ZNF138: variants seen among roughly 807,000 people sequenced by gnomAD.
ZNF138 encodes zinc finger protein 138 (clone pHZ-32).
ZNF138 carries 33 observed loss-of-function variants against 33.0 expected under a neutral mutation model. That is an observed-to-expected ratio of 1.00 (90% CI 0.76 to 1.34). The LOEUF (loss-of-function observed/expected upper bound fraction) is 1.34. ZNF138 is among the 40% of genes most tolerant of loss of function. The pLI is 0.00. For synonymous variants in ZNF138, 139 were observed against 120.4 expected (o/e 1.15, Z -1.01); for missense variants, 360 against 370.8 (o/e 0.97, Z 0.24).
the ZNF138 span, among the ~76,000 whole-genome samples, chr7:64,839,056 C>T: frequency 2.0e-5 from 3 of 152,124 alleles, no homozygotes; most frequent in Admixed American, 6.5e-5. Context: ...AAACACTTGG[C>T]GGCAGCGGTC....
intron 1 of ZNF138, among the ~76,000 whole-genome samples, chr7:64,795,623 C>T (rs888896627): frequency 1.3e-5 from 2 of 151,306 alleles, no homozygotes; most frequent in African/African-American, 2.4e-5. Flanking sequence ...TAAATATTTC[C>T]CATGAGAAGA....
intron 1 of ZNF138, among the ~76,000 whole-genome samples, chr7:64,807,971 C>T (rs1229154217): frequency 6.6e-6 from 1 of 152,172 alleles, no homozygotes; most frequent in African/African-American, 2.4e-5. Flanking sequence ...AAGAGCTAGC[C>T]AATCAAGACA....
Position 64,832,259 on chromosome 7 carries a change from A to G in ZNF138, c.*57A>G. The stretch of plus-strand genomic sequence containing the variant: ...GAGAGAAAGCCTACAAATGTGAAGA[A>G]TGTGGCAAAGCCTTTAACCAGTTTT... On this transcript the variant is annotated 3_prime_UTR_variant, in exon 4 of 4. Transcript: ENST00000307355. The G allele has an allele frequency of 6.2e-7, 1 of 1,601,802 alleles. No homozygotes were observed. Among genetic ancestry groups the G allele is most frequent in the Non-Finnish European group, 8.5e-7 (1 of 1,176,088 alleles).
the ZNF138 span, among the ~76,000 whole-genome samples, chr7:64,848,704 A>ATTTTT: frequency 5.0e-3 from 512 of 102,508 alleles, 22 homozygotes; most frequent in East Asian, 7.0e-3. Flanking sequence ...ATTTTGGTGG[A>ATTTTT]TTTTTTTTTT....
At chr7:64,849,278 G>A in the ZNF138 span, among the ~76,000 whole-genome samples, 1 of 152,210 alleles carries the variant, frequency 6.6e-6, no homozygotes, top group Non-Finnish European at 1.5e-5. Context: ...TCTGCACAGA[G>A]TCCTGTGATG....
the ZNF138 span, among the ~76,000 whole-genome samples, chr7:64,859,735 A>G: frequency 6.6e-6 from 1 of 152,250 alleles, no homozygotes; most frequent in East Asian, 1.9e-4. Context: ...TCACATACAT[A>G]GTAAATCTTC....
At chr7:64,829,960 TGG>T (rs1491533515) in intron 3 of ZNF138, among the ~76,000 whole-genome samples, 1 of 152,154 alleles carries the variant, frequency 6.6e-6, no homozygotes, top group Non-Finnish European at 1.5e-5. Context: ...GTAGCACAAA[TGG>T]CAGTGCCAAT....
At chr7:64,853,353 A>G in the ZNF138 span, 1 of 1,533,732 alleles carries the variant, frequency 6.5e-7, no homozygotes, top group Non-Finnish European at 8.9e-7. Context: ...CCATGTAGAT[A>G]TGGTTGTTGG....
chr7:64,835,438 A>T (rs1261905284), downstream of ZNF138: 1 of 152,088 alleles, frequency 6.6e-6, no homozygotes, highest in Admixed American at 6.5e-5. Context: ...GGGGCAAAAC[A>T]CATTATTATA....
the ZNF138 span, among the ~76,000 whole-genome samples, chr7:64,851,777 G>T: frequency 6.6e-6 from 1 of 151,952 alleles, no homozygotes; most frequent in African/African-American, 2.4e-5. Context: ...AAAGAAATAA[G>T]ATTTCTTTTT....
At chr7:64,815,864 C>T (rs1333823141) in intron 3 of ZNF138, among the ~76,000 whole-genome samples, 1 of 91,678 alleles carries the variant, frequency 1.1e-5, no homozygotes, top group Non-Finnish European at 2.2e-5. Context: ...GATCTTTCTT[C>T]AAGTTCACAG....
chr7:64,814,100 G>A, intron 1 of ZNF138: 1 of 1,224,874 alleles, frequency 8.2e-7, no homozygotes, highest in South Asian at 1.4e-5. Flanking sequence ...CCACTTACTG[G>A]ATATTTAACA....
At chr7:64,797,396 GTGTT>G (rs1786775320) in intron 1 of ZNF138, among the ~76,000 whole-genome samples, 1 of 152,116 alleles carries the variant, frequency 6.6e-6, no homozygotes, top group Non-Finnish European at 1.5e-5. Flanking sequence ...TATAAACACT[GTGTT>G]TGAGTAATTT....
intron 1 of ZNF138, among the ~76,000 whole-genome samples, chr7:64,813,501 T>C (rs1038767959): frequency 6.6e-6 from 1 of 151,328 alleles, no homozygotes; most frequent in Non-Finnish European, 1.5e-5. Flanking sequence ...TGGCGGGATC[T>C]CCGCTCACTG....
At chr7:64,834,978 C>T (rs527613537), downstream of ZNF138, among the ~76,000 whole-genome samples, 29 of 152,234 alleles carry the variant, frequency 1.9e-4, no homozygotes, top group African/African-American at 2.4e-4. Context: ...AGCTCTCGGG[C>T]GAGGTTCACT....
the ZNF138 span, among the ~76,000 whole-genome samples, chr7:64,850,437 C>A: frequency 6.6e-6 from 1 of 152,218 alleles, no homozygotes; most frequent in South Asian, 2.1e-4. Flanking sequence ...TGAGTGGGAG[C>A]TGCAATCTAG....
the ZNF138 span, among the ~76,000 whole-genome samples, chr7:64,841,866 C>G: frequency 0.99 from 150,103 of 152,322 alleles, 73,999 homozygotes; most frequent in East Asian, 1. Context: ...TAAGATAAAA[C>G]GCATACACTG....
chr7:64,795,090 C>G (rs1786579245), intron 1 of ZNF138, among the ~76,000 whole-genome samples: 1 of 152,108 alleles, frequency 6.6e-6, no homozygotes, highest in African/African-American at 2.4e-5. Context: ...TATGATAAAA[C>G]CAAATTCAGT....
At chr7:64,814,008 C>G in intron 1 of ZNF138, 7 of 1,162,768 alleles carry the variant, frequency 6.0e-6, no homozygotes, top group Non-Finnish European at 5.3e-6. Flanking sequence ...CTTAGGTTTC[C>G]TTTGCATATA....
Sources: gnomAD v4.1 joint callset for allele counts (sites outside exome capture counted in the v4.1 genomes callset) on GRCh38, gnomAD v4.1.1 for gene constraint, MANE v1.5 for transcripts, NCBI Gene and HGNC (gene_info 2026-07-23, HGNC 2026-07-21) for gene names.